N4BP2: variants seen among roughly 807,000 people sequenced by gnomAD.
The protein encoded by N4BP2 is NEDD4 binding protein 2, also known as NEDD4-binding protein 2.
Under a neutral mutation model 152.8 loss-of-function variants are expected in N4BP2, and 91 were observed. The observed-to-expected ratio is 0.60, with a 90% confidence interval of 0.50 to 0.71. The LOEUF is 0.71. Among genes scored for constraint, N4BP2 ranks in the 30% least tolerant of loss-of-function variants. The pLI is 0.00. For missense variants in N4BP2, 1,923 were observed against 2,059.1 expected (o/e 0.93, Z 1.28); for synonymous variants, 646 against 705.3 (o/e 0.92, Z 1.33).
At chr4:40,109,697 G>A (rs1448074646) in intron 5 of N4BP2, among the ~76,000 whole-genome samples, 1 of 151,142 alleles carries the variant, frequency 6.6e-6, no homozygotes, top group African/African-American at 2.4e-5. Context: ...CAGCCTGGGT[G>A]ACAGAGCAAG....
intron 13 of N4BP2, among the ~76,000 whole-genome samples, chr4:40,134,967 C>CT (rs1719248432): frequency 3.0e-5 from 1 of 33,186 alleles, no homozygotes; most frequent in South Asian, 1.6e-3. Context: ...TATTATTATA[C>CT]TTTAAGTTTT....
At chr4:40,060,957 GCTTTT>G (rs572559551) in intron 1 of N4BP2, among the ~76,000 whole-genome samples, 232 of 152,044 alleles carry the variant, frequency 1.5e-3, no homozygotes, top group African/African-American at 5.2e-3. Flanking sequence ...TGTATTAGCT[GCTTTT>G]CTTTTCTTTT....
chr4:40,134,899 TCCTTTC>T (rs562885606), intron 13 of N4BP2, among the ~76,000 whole-genome samples: 25,702 of 111,948 alleles, frequency 0.23, 2,937 homozygotes, highest in Admixed American at 0.33. Context: ...CTTCCTTCCT[TCCTTTC>T]TCTCTCTCTC....
At chr4:40,150,287 A>G (rs1714384) in intron 16 of N4BP2, among the ~76,000 whole-genome samples, 14,517 of 152,256 alleles carry the variant, frequency 0.095, 695 homozygotes, top group Middle Eastern at 0.12. Flanking sequence ...TTTAGAACTG[A>G]CTACCATTTT....
At chr4:40,166,119 G>A in the N4BP2 span, among the ~76,000 whole-genome samples, 1 of 152,126 alleles carries the variant, frequency 6.6e-6, no homozygotes, top group Non-Finnish European at 1.5e-5. Context: ...TGGAAGGTGG[G>A]GGTGTAGCCA....
intron 2 of N4BP2, among the ~76,000 whole-genome samples, chr4:40,095,298 C>G (rs1715008864): frequency 6.6e-6 from 1 of 152,112 alleles, no homozygotes. Flanking sequence ...CCAGGCCCGT[C>G]TCAAACTCCT....
intron 1 of N4BP2, among the ~76,000 whole-genome samples, chr4:40,059,392 G>A (rs1343910036): frequency 6.6e-6 from 1 of 151,574 alleles, no homozygotes; most frequent in Non-Finnish European, 1.5e-5. Flanking sequence ...TTTTATGTAT[G>A]TATGTATGTA....
Position 40,120,180 on chromosome 4 carries a change from G to A in N4BP2, c.2069G>A (p.Ser690Asn). The A allele has an allele frequency of 6.2e-7, 1 of 1,613,616 alleles. No homozygotes were observed. Among genetic ancestry groups the A allele is most frequent in the South Asian group, 1.1e-5 (1 of 91,070 alleles). ...CACATGTATTTTTCTGACTCTGAAA[G>A]CAAACTACAGGCAACAGACAAAAGT... ...TPHMYFSDSESKLQATDKSEN... is the reference protein window; with the variant it reads ...TPHMYFSDSENKLQATDKSEN... Residue 690 changes from serine (S) to asparagine (N), a missense_variant, in exon 9 of 18, where the codon AGC becomes AAC. Transcript: ENST00000261435.
chr4:40,128,034 A>G (rs574668293), intron 12 of N4BP2, among the ~76,000 whole-genome samples: 2 of 152,340 alleles, frequency 1.3e-5, no homozygotes, highest in African/African-American at 4.8e-5. Flanking sequence ...TCCTTTTCAA[A>G]TAGAAGCTTC....
chr4:40,121,500 C>A lies in N4BP2; in HGVS notation c.3389C>A (p.Thr1130Asn). The change falls in exon 9 of 18, where the codon ACT becomes AAT. Residue 1130 changes from threonine to asparagine, a missense_variant. By Grantham distance (65) the Thr-to-Asn change is moderately conservative. Coordinates refer to ENST00000261435, the MANE Select transcript of N4BP2 (RefSeq NM_018177.6). Reference protein sequence around the residue: ...WATSLLLDSETKLCEDTEFEN... With the variant: ...WATSLLLDSENKLCEDTEFEN... Reference sequence around the variant, plus strand: ...ACAAGCCTTTTGTTGGATTCTGAAACTAAGTTATGTGAGGATACAGAGTTT... The same window carrying A: ...ACAAGCCTTTTGTTGGATTCTGAAAATAAGTTATGTGAGGATACAGAGTTT... 6.2e-7 allele frequency: 1 copy of A among 1,614,122 alleles called. No individual in the cohort carries two copies. Among genetic ancestry groups the A allele is most frequent in the African/African-American group, 1.3e-5 (1 of 75,038 alleles).
At chr4:40,142,242 G>T in intron 14 of N4BP2, 1 of 294,070 alleles carries the variant, frequency 3.4e-6, no homozygotes, top group South Asian at 4.0e-5. Context: ...TCAAAACTCA[G>T]ACCACCAATG....
At chr4:40,134,259 A>G (rs188829687) in intron 13 of N4BP2, among the ~76,000 whole-genome samples, 164 of 152,316 alleles carry the variant, frequency 1.1e-3, no homozygotes, top group African/African-American at 3.7e-3. Flanking sequence ...GTTTTGTGTT[A>G]AAATCTCCCA....
chr4:40,160,663 T>C (rs1721834199), downstream of N4BP2, among the ~76,000 whole-genome samples: 1 of 152,236 alleles, frequency 6.6e-6, no homozygotes, highest in Non-Finnish European at 1.5e-5. Flanking sequence ...TTCACATGCA[T>C]TTCTTAGTTA....
intron 16 of N4BP2, among the ~76,000 whole-genome samples, chr4:40,149,916 A>G (rs917307813): frequency 6.6e-6 from 1 of 151,870 alleles, no homozygotes; most frequent in Non-Finnish European, 1.5e-5. Flanking sequence ...AAAAAAAAAA[A>G]AAGAAAGAAA....
chr4:40,094,625 A>C (rs949930727), intron 2 of N4BP2, among the ~76,000 whole-genome samples: 2 of 151,406 alleles, frequency 1.3e-5, no homozygotes, highest in African/African-American at 2.4e-5. Context: ...GTGTGATCTC[A>C]GCTCAATGCA....
At chr4:40,115,219 A>G (rs1717238135) in intron 7 of N4BP2, among the ~76,000 whole-genome samples, 1 of 152,152 alleles carries the variant, frequency 6.6e-6, no homozygotes, top group Admixed American at 6.6e-5. Context: ...TATGTATGCC[A>G]GGTGTGGTGG....
downstream of N4BP2, chr4:40,158,310 A>T (rs1238231409): frequency 3.3e-5 from 5 of 152,216 alleles, no homozygotes; most frequent in Admixed American, 1.3e-4. Context: ...TAAATATTTT[A>T]AAATATTTTC....
downstream of N4BP2, among the ~76,000 whole-genome samples, chr4:40,158,497 A>T (rs1398070003): frequency 1.3e-5 from 2 of 152,160 alleles, no homozygotes; most frequent in African/African-American, 4.8e-5. Context: ...TATCAAAATT[A>T]AGAATTATAT....
At chr4:40,166,108 A>G in the N4BP2 span, among the ~76,000 whole-genome samples, 3 of 152,188 alleles carry the variant, frequency 2.0e-5, no homozygotes, top group African/African-American at 4.8e-5. Context: ...CAATAAGACA[A>G]TGGAAGGTGG....
Sources: gnomAD v4.1 joint callset for allele counts (sites outside exome capture counted in the v4.1 genomes callset) on GRCh38, gnomAD v4.1.1 for gene constraint, MANE v1.5 for transcripts, NCBI Gene and HGNC (gene_info 2026-07-23, HGNC 2026-07-21) for gene names.